The following RASA2 variants were observed in gnomAD, a reference collection of about 807,000 sequenced individuals.
The protein encoded by RASA2 is ras GTPase-activating protein 2.
RASA2 carries 155 observed loss-of-function variants against 118.2 expected under a neutral mutation model. The ratio of observed to expected loss-of-function variants is 1.31; its 90% CI spans 1.15 to 1.50. RASA2 has a LOEUF of 1.50. RASA2 is among the 40% of genes most tolerant of loss of function. The pLI is 0.00. For synonymous variants in RASA2, 353 were observed against 349.1 expected, an observed-to-expected ratio of 1.01 and a Z score of -0.12; for missense variants, 1,016 against 1,009.6, an observed-to-expected ratio of 1.01 and a Z score of -0.09.
intron 3 of RASA2, among the ~76,000 whole-genome samples, chr3:141,518,914 T>A (rs946979085): frequency 6.6e-6 from 1 of 152,232 alleles, no homozygotes; most frequent in Non-Finnish European, 1.5e-5. Context: ...CATTAATATT[T>A]GTTAAAACTA....
chr3:141,562,575 A>T (rs1171173266), intron 9 of RASA2, among the ~76,000 whole-genome samples: 1 of 70 alleles, frequency 0.014, no homozygotes, highest in Non-Finnish European at 0.025. Flanking sequence ...GTAAGCTGAG[A>T]TCCACCACTG....
At chr3:141,514,276 A>G (rs1226181233) in intron 2 of RASA2, among the ~76,000 whole-genome samples, 2 of 152,208 alleles carry the variant, frequency 1.3e-5, no homozygotes, top group Non-Finnish European at 2.9e-5. Context: ...CAGAAAAGAT[A>G]TGGCCAAGAG....
chr3:141,487,362 A>C, intron 1 of RASA2, 146 bp downstream of exon 1: 13 of 868,926 alleles, frequency 1.5e-5, no homozygotes, highest in Admixed American at 1.0e-4. Context: ...TTGAGGCTGG[A>C]AGGGGGTGTG....
At position 141,610,061 on chromosome 3, in the gene RASA2, G is replaced by T; in HGVS notation, c.2514G>T (p.Gly838=). The change falls in exon 23 of 24, where the codon GGG becomes GGT. Residue 838 remains glycine, a synonymous_variant. Transcript: ENST00000286364. Reference sequence around the variant, plus strand: ...AAAGATCCAGTAGTGCAAAATATGGGAGCAAGTGAGTAATTTTTAAGCTAT... The same window carrying T: ...AAAGATCCAGTAGTGCAAAATATGGTAGCAAGTGAGTAATTTTTAAGCTAT... ...RKKRSSSAKY[G]SKENPIVGKA... The T allele has an allele frequency of 1.3e-6, 2 of 1,570,848 alleles. No homozygotes were observed. The highest frequency in any genetic ancestry group is 2.4e-5 in the South Asian group (2 of 84,024).
In RASA2 at chr3:141,487,190, T is replaced by G; in HGVS notation, c.107T>G (p.Val36Gly). 2 of 1,455,882 alleles carry G rather than the reference T, an allele frequency of 1.4e-6. No individual in the cohort carries two copies. The highest frequency in any genetic ancestry group is 1.8e-6 in the Non-Finnish European group (2 of 1,094,028). The allele number at this position is 1,455,882 out of a possible 1,614,324, so 90.2% of individuals were successfully genotyped here. Residue 36 changes from valine to glycine, a missense_variant, in exon 1 of 24, where the codon GTG becomes GGG. This residue lies in a region of RASA2 where 896 missense variants were observed against 836.4 expected (regional missense o/e 1.07). Coordinates refer to ENST00000286364, the MANE Select transcript of RASA2 (RefSeq NM_006506.5). Reference protein sequence around the residue: ...AGDQDSREVRVLQSLRGKICE... With the variant: ...AGDQDSREVRGLQSLRGKICE... ...GACCAGGACAGTCGCGAGGTTCGAG[T>G]GTTGCAGAGCCTGCGGGGCAAGATC...
intron 8 of RASA2, among the ~76,000 whole-genome samples, chr3:141,559,562 G>C (rs1437772498): frequency 6.6e-6 from 1 of 151,990 alleles, no homozygotes; most frequent in African/African-American, 2.4e-5. Flanking sequence ...TTAATTGGTG[G>C]TAATCTAGAG....
chr3:141,517,774 C>T (rs186061976), intron 3 of RASA2, among the ~76,000 whole-genome samples: 104 of 152,290 alleles, frequency 6.8e-4, no homozygotes, highest in African/African-American at 2.3e-3. Flanking sequence ...CTGCCACAGC[C>T]TCCCGAATAG....
intron 19 of RASA2, among the ~76,000 whole-genome samples, chr3:141,599,241 GT>G (rs577049346): frequency 0.025 from 2,967 of 117,750 alleles, 98 homozygotes; most frequent in East Asian, 0.17. Flanking sequence ...TGTTTTTTGG[GT>G]TTTTTTTTTT....
chr3:141,552,413 A>G (rs992977357), intron 5 of RASA2, among the ~76,000 whole-genome samples: 5 of 152,146 alleles, frequency 3.3e-5, no homozygotes, highest in Admixed American at 1.3e-4. Flanking sequence ...CTTACAAGTT[A>G]CGCTACCTCT....
intron 15 of RASA2, among the ~76,000 whole-genome samples, chr3:141,577,333 T>C (rs2083029201): frequency 6.6e-6 from 1 of 152,170 alleles, no homozygotes; most frequent in Non-Finnish European, 1.5e-5. Context: ...TTGTTAATTA[T>C]TGAAGCTTGG....
chr3:141,569,432 C>T (rs900712922), intron 9 of RASA2, among the ~76,000 whole-genome samples: 3 of 151,888 alleles, frequency 2.0e-5, no homozygotes, highest in Admixed American at 2.0e-4. Context: ...TTGTTTTTGC[C>T]AACTTAGGCT....
At chr3:141,580,535 T>A in intron 16 of RASA2, 84 bp downstream of exon 16, 1 of 1,065,162 alleles carries the variant, frequency 9.4e-7, no homozygotes, top group Non-Finnish European at 1.4e-6. Flanking sequence ...CTTACCTTCT[T>A]CCAAATTAAA....
At chr3:141,546,171 C>T (rs567779038) in intron 5 of RASA2, among the ~76,000 whole-genome samples, 6 of 152,290 alleles carry the variant, frequency 3.9e-5, no homozygotes, top group East Asian at 3.9e-4. Context: ...ACCATGAGAG[C>T]GCAGATACCT....
Position 141,516,439 on chromosome 3 carries a change from C to T in RASA2, c.355+8C>T. ...AAAGAGATCTCCGTATAGGTATGTA[C>T]TATTCATAATTATCTTTAATCACAA... On this transcript the variant is annotated splice_region_variant and intron_variant, in intron 3 of 23. Transcript: ENST00000286364. 1 of 1,430,854 alleles carries T rather than the reference C, an allele frequency of 7.0e-7. No homozygotes were observed. The highest frequency in any genetic ancestry group is 9.2e-7 in the Non-Finnish European group (1 of 1,085,640). The allele number at this position is 1,430,854 out of a possible 1,614,324, so 88.6% of individuals were successfully genotyped here.
chr3:141,550,305 C>A (rs1055509295), intron 5 of RASA2, among the ~76,000 whole-genome samples: 3 of 152,162 alleles, frequency 2.0e-5, no homozygotes, highest in Non-Finnish European at 4.4e-5. Context: ...TAACCTCAAC[C>A]TAATCATGAG....
chr3:141,516,310 C>T lies in RASA2; in HGVS notation c.252-18C>T. 1 of 1,504,512 alleles carries T rather than the reference C, an allele frequency of 6.6e-7. No homozygotes were observed. Among genetic ancestry groups the T allele is most frequent in the South Asian group, 1.4e-5 (1 of 72,478 alleles). 93.2% of individuals were successfully genotyped at this position (1,504,512 alleles called of 1,614,324 possible). On this transcript the variant is annotated intron_variant, in intron 2 of 23. Coordinates refer to ENST00000286364, the MANE Select transcript of RASA2 (RefSeq NM_006506.5). ...ATTTTATATTATTTGAAGTAATGAG[C>T]TTTCCTTTTCTTTCTAGCCCATTTT...
At position 141,607,770 on chromosome 3, in the gene RASA2, GTAAA is replaced by G. The variant is rs2083571276; in HGVS notation, c.2016+17_2016+20del. ...TTTCAACAAGAAAAATGTAAGTTAT[GTAAA>G]TAAATATTTAAAGCTTTCTGAACTG... On this transcript the variant is annotated intron_variant, in intron 20 of 23. Transcript: ENST00000286364. 1 of 1,568,254 alleles carries G rather than the reference GTAAA, an allele frequency of 6.4e-7. No individual in the cohort carries two copies. The highest frequency in any genetic ancestry group is 2.3e-5 in the East Asian group (1 of 43,410).
chr3:141,527,974 G>T (rs1435291034), intron 3 of RASA2, among the ~76,000 whole-genome samples: 1 of 151,870 alleles, frequency 6.6e-6, no homozygotes, highest in African/African-American at 2.4e-5. Flanking sequence ...TTCACATAAA[G>T]ATTTTGATCT....
chr3:141,596,855 A>G (rs2083381182), intron 19 of RASA2, among the ~76,000 whole-genome samples: 1 of 152,228 alleles, frequency 6.6e-6, no homozygotes, highest in African/African-American at 2.4e-5. Flanking sequence ...GGGAATGTAA[A>G]ATAGGGGCTT....
Sources: gnomAD v4.1 joint callset for allele counts (sites outside exome capture counted in the v4.1 genomes callset) on GRCh38, gnomAD v4.1.1 for gene constraint, gnomAD v4.1.1 regional missense constraint, MANE v1.5 for transcripts, NCBI Gene and HGNC (gene_info 2026-07-23, HGNC 2026-07-21) for gene names.